PPHLN1: variants seen among roughly 807,000 people sequenced by gnomAD.
The protein encoded by PPHLN1 is periphilin 1, also known as periphilin-1.
Under a neutral mutation model 51.3 loss-of-function variants are expected in PPHLN1, and 29 were observed. The ratio of observed to expected loss-of-function variants is 0.57; its 90% confidence interval spans 0.42 to 0.77. PPHLN1 has a LOEUF of 0.77. PPHLN1 is among the 30% of genes least tolerant of loss of function. PPHLN1 has a pLI of 0.00. For synonymous variants in PPHLN1, 147 were observed against 147.8 expected (o/e 0.99, Z 0.04); for missense variants, 436 against 438.4 (o/e 0.99, Z 0.05).
intron 9 of PPHLN1, among the ~76,000 whole-genome samples, chr12:42,415,451 G>T (rs546871332): frequency 1.3e-5 from 2 of 152,206 alleles, no homozygotes; most frequent in Non-Finnish European, 2.9e-5. Context: ...GATTACAGGC[G>T]TGAGCCACCG....
In PPHLN1 at chr12:42,422,873, G is replaced by A. The variant is rs77352858; in HGVS notation, c.910-18442G>A. Among the ~76,000 whole-genome samples the A allele has an allele frequency of 5.3e-3, 802 of 152,264 alleles. 6 individuals carry two copies. The highest frequency in any genetic ancestry group is 0.018 in the African/African-American group (755 of 41,552). On this transcript the variant is annotated intron_variant, in intron 9 of 9. Coordinates refer to ENST00000358314, the MANE Select transcript of PPHLN1 (RefSeq NM_201439.2). ...GGATTCCTACCTCAAATCCTTGGCT[G>A]TAGGTAAATTCTATTTCAAAAAGAC...
At chr12:42,429,534 T>C (rs1328273198) in intron 9 of PPHLN1, among the ~76,000 whole-genome samples, 1 of 152,250 alleles carries the variant, frequency 6.6e-6, no homozygotes, top group Non-Finnish European at 1.5e-5. Context: ...GCAACTCCCA[T>C]GATCTTTTAT....
intron 2 of PPHLN1, among the ~76,000 whole-genome samples, chr12:42,339,833 T>A (rs933717042): frequency 6.7e-6 from 1 of 149,682 alleles, no homozygotes; most frequent in African/African-American, 2.5e-5. Context: ...AAATTATCTG[T>A]GATCTCTTTT....
In PPHLN1 at chr12:42,335,875, T is replaced by G; in HGVS notation, c.-20-8T>G. 1 of 1,495,976 alleles carries G rather than the reference T, an allele frequency of 6.7e-7. No homozygotes were observed. The highest frequency in any genetic ancestry group is 1.4e-5 in the African/African-American group (1 of 70,336). 92.7% of individuals were successfully genotyped at this position (1,495,976 alleles called of 1,614,324 possible). A position where few individuals can be genotyped will look rare whatever the true frequency, so the allele number is the denominator to read the frequency against. On this transcript the variant is annotated splice_polypyrimidine_tract_variant and splice_region_variant and intron_variant, in intron 1 of 9. Coordinates refer to ENST00000358314, the MANE Select transcript of PPHLN1 (RefSeq NM_201439.2). ...TATAAAATCCATAATTCTTTTTTTT[T>G]TCTTTAGTGGCTTACAGAAGAGACG...
At chr12:42,374,152 G>T (rs2076040160) in intron 4 of PPHLN1, among the ~76,000 whole-genome samples, 1 of 152,174 alleles carries the variant, frequency 6.6e-6, no homozygotes, top group Non-Finnish European at 1.5e-5. Flanking sequence ...AATTGGCCAT[G>T]AAATGTCTTA....
chr12:42,339,921 C>T (rs958346544), intron 2 of PPHLN1, among the ~76,000 whole-genome samples: 4 of 152,168 alleles, frequency 2.6e-5, no homozygotes, highest in African/African-American at 9.7e-5. Context: ...GTTCACATCT[C>T]ATTTAATGGA....
intron 2 of PPHLN1, among the ~76,000 whole-genome samples, chr12:42,338,416 G>C (rs551867550): frequency 5.9e-5 from 9 of 152,312 alleles, no homozygotes; most frequent in Non-Finnish European, 1.0e-4. Flanking sequence ...TGTTGAAGGT[G>C]CTGACCCAGA....
intron 5 of PPHLN1, among the ~76,000 whole-genome samples, chr12:42,383,983 C>CAAA (rs61016692): frequency 0.013 from 654 of 51,560 alleles, 121 homozygotes; most frequent in East Asian, 0.025. Context: ...GACTGTGTCT[C>CAAA]AAAAAAAAAA....
chr12:42,341,945 T>C (rs1440459579), intron 2 of PPHLN1, among the ~76,000 whole-genome samples: 3 of 152,192 alleles, frequency 2.0e-5, no homozygotes, highest in Non-Finnish European at 4.4e-5. Flanking sequence ...TATGTATAAA[T>C]AGTAAGTCAC....
intron 9 of PPHLN1, among the ~76,000 whole-genome samples, chr12:42,418,328 A>G (rs1669938): frequency 0.96 from 146,071 of 151,464 alleles, 70,682 homozygotes; most frequent in Middle Eastern, 1. Context: ...GCACTGCAGA[A>G]TATTTTGAAA....
In PPHLN1 at chr12:42,387,446, T is replaced by C. The variant is rs1343988139; in HGVS notation, c.569-10T>C. On this transcript the variant is annotated splice_polypyrimidine_tract_variant and intron_variant, in intron 6 of 9. Transcript: ENST00000358314. Reference sequence around the variant, plus strand: ...AGAAAAAAAATTACATCTTATGTTTTCTTATATAGATAAAGAGAGGCCTGT... The same window carrying C: ...AGAAAAAAAATTACATCTTATGTTTCCTTATATAGATAAAGAGAGGCCTGT... 6.3e-7 allele frequency: 1 copy of C among 1,592,168 alleles called. No individual in the cohort carries two copies. The highest frequency in any genetic ancestry group is 1.4e-5 in the African/African-American group (1 of 73,696).
intron 1 of PPHLN1, among the ~76,000 whole-genome samples, chr12:42,329,333 C>T (rs984543853): frequency 1.3e-5 from 2 of 152,022 alleles, no homozygotes; most frequent in East Asian, 3.9e-4. Flanking sequence ...TCTCGATCTC[C>T]TGACTTCGTG....
chr12:42,330,780 G>A (rs1471549370), intron 1 of PPHLN1, among the ~76,000 whole-genome samples: 1 of 152,122 alleles, frequency 6.6e-6, no homozygotes, highest in Non-Finnish European at 1.5e-5. Flanking sequence ...TGCAATCTTG[G>A]CTCGCTGCAA....
chr12:42,406,360 G>A (rs551991331), intron 9 of PPHLN1, among the ~76,000 whole-genome samples: 12 of 152,256 alleles, frequency 7.9e-5, no homozygotes, highest in African/African-American at 2.9e-4. Flanking sequence ...GATTACAGGC[G>A]TGAGCCACCG....
At chr12:42,393,755 G>GA (rs1182961694) in intron 8 of PPHLN1, 66 bp downstream of exon 8, 3 of 1,461,960 alleles carry the variant, frequency 2.1e-6, no homozygotes, top group African/African-American at 1.4e-5. Context: ...AATTATGGGC[G>GA]AAAAATATTT....
chr12:42,391,608 G>A (rs1294676719), intron 7 of PPHLN1, among the ~76,000 whole-genome samples: 1 of 151,716 alleles, frequency 6.6e-6, no homozygotes, highest in Non-Finnish European at 1.5e-5. Context: ...TCTTAAATAG[G>A]TATGCCCCCT....
At chr12:42,377,682 T>C (rs566142673) in intron 5 of PPHLN1, among the ~76,000 whole-genome samples, 12 of 152,288 alleles carry the variant, frequency 7.9e-5, no homozygotes, top group South Asian at 2.1e-4. Context: ...AGAAAGTATC[T>C]TTGGAAACTG....
intron 9 of PPHLN1, among the ~76,000 whole-genome samples, chr12:42,429,908 T>G (rs994220054): frequency 6.6e-6 from 1 of 152,234 alleles, no homozygotes; most frequent in Non-Finnish European, 1.5e-5. Context: ...GCTCTATTTG[T>G]TTTGTCACTT....
chr12:42,407,818 G>A (rs1023296352), intron 9 of PPHLN1, among the ~76,000 whole-genome samples: 10 of 152,096 alleles, frequency 6.6e-5, no homozygotes, highest in African/African-American at 2.4e-4. Flanking sequence ...GTACTGTGTT[G>A]TTTAGGGAAT....
Sources: gnomAD v4.1 joint callset for allele counts (sites outside exome capture counted in the v4.1 genomes callset) on GRCh38, gnomAD v4.1.1 for gene constraint, MANE v1.5 for transcripts, NCBI Gene and HGNC (gene_info 2026-07-23, HGNC 2026-07-21) for gene names.